CSMD1: variants seen among roughly 807,000 people sequenced by gnomAD.
The protein encoded by CSMD1 is CUB and Sushi multiple domains 1.
A neutral mutation model predicts 417.5 loss-of-function variants in CSMD1; 213 were observed. The ratio of observed to expected loss-of-function variants is 0.51; its 90% CI spans 0.46 to 0.57. The LOEUF is 0.57. Among genes scored for constraint, CSMD1 ranks in the 20% least tolerant of loss-of-function variants. CSMD1 has a pLI of 0.00. For synonymous variants in CSMD1, 2,862 were observed against 1,736.8 expected, an observed-to-expected ratio of 1.65 and a Z score of -16.11; for missense variants, 6,923 against 4,529.7, an observed-to-expected ratio of 1.53 and a Z score of -15.17.
intron 26 of CSMD1, among the ~76,000 whole-genome samples, chr8:3,255,467 T>G (rs559377781): frequency 1.1e-4 from 16 of 152,206 alleles, no homozygotes; most frequent in African/African-American, 3.9e-4. Flanking sequence ...CCCCCAGAGG[T>G]GGAGCCTACA....
At chr8:3,521,852 C>T (rs745985007) in intron 10 of CSMD1, among the ~76,000 whole-genome samples, 1 of 152,180 alleles carries the variant, frequency 6.6e-6, no homozygotes, top group Non-Finnish European at 1.5e-5. Context: ...ATCATACTAT[C>T]TATTCTAATA....
intron 1 of CSMD1, among the ~76,000 whole-genome samples, chr8:4,721,814 A>AC (rs1402125647): frequency 6.6e-6 from 1 of 152,208 alleles, no homozygotes; most frequent in Non-Finnish European, 1.5e-5. Flanking sequence ...CTAGGCATCC[A>AC]CCAATGCATG....
At chr8:4,662,606 C>G (rs1341952220) in intron 1 of CSMD1, among the ~76,000 whole-genome samples, 2 of 152,178 alleles carry the variant, frequency 1.3e-5, no homozygotes, top group East Asian at 3.9e-4. Context: ...GTCTTGACGG[C>G]TACGATTTCT....
chr8:4,274,829 C>A (rs1055885464), intron 3 of CSMD1, among the ~76,000 whole-genome samples: 3 of 152,062 alleles, frequency 2.0e-5, no homozygotes, highest in Non-Finnish European at 2.9e-5. Context: ...GACTGCTTTG[C>A]TTTGAAAACT....
At chr8:3,887,076 C>A (rs777849309) in intron 5 of CSMD1, among the ~76,000 whole-genome samples, 3 of 152,210 alleles carry the variant, frequency 2.0e-5, no homozygotes, top group African/African-American at 4.8e-5. Context: ...AAGACACAAT[C>A]CCACTCTAGC....
At chr8:4,567,828 A>C (rs1446688401) in intron 2 of CSMD1, among the ~76,000 whole-genome samples, 2 of 152,200 alleles carry the variant, frequency 1.3e-5, no homozygotes, top group Non-Finnish European at 2.9e-5. Context: ...TGAGCTAATG[A>C]ATATTTCTTA....
At chr8:4,201,508 G>C (rs537325188) in intron 3 of CSMD1, among the ~76,000 whole-genome samples, 1 of 113,464 alleles carries the variant, frequency 8.8e-6, no homozygotes, top group Non-Finnish European at 1.6e-5. Context: ...ACTGCCGTCC[G>C]GCCTAGGTAA....
chr8:4,883,620 G>A (rs1803551074), intron 1 of CSMD1, among the ~76,000 whole-genome samples: 1 of 151,978 alleles, frequency 6.6e-6, no homozygotes, highest in Non-Finnish European at 1.5e-5. Context: ...AGTATAATCT[G>A]TCAAGGTTAA....
At chr8:3,172,668 G>A (rs1322637658) in intron 37 of CSMD1, among the ~76,000 whole-genome samples, 1 of 152,128 alleles carries the variant, frequency 6.6e-6, no homozygotes, top group Non-Finnish European at 1.5e-5. Flanking sequence ...CAGAGAAGGG[G>A]AATGGAGAAA....
intron 51 of CSMD1, among the ~76,000 whole-genome samples, chr8:3,027,331 T>C (rs1441464490): frequency 6.6e-6 from 1 of 152,114 alleles, no homozygotes; most frequent in Non-Finnish European, 1.5e-5. Context: ...CCAGGGCTTT[T>C]TGGAGAACAA....
intron 10 of CSMD1, among the ~76,000 whole-genome samples, chr8:3,500,514 G>C (rs1796555706): frequency 6.6e-6 from 1 of 152,084 alleles, no homozygotes; most frequent in Admixed American, 6.5e-5. Flanking sequence ...GAAAAGAAGA[G>C]GAATGAGGAT....
chr8:3,178,498 G>C (rs762313975), intron 37 of CSMD1, among the ~76,000 whole-genome samples: 3 of 152,064 alleles, frequency 2.0e-5, no homozygotes, highest in Non-Finnish European at 1.5e-5. Context: ...TGGATACCTC[G>C]CAAGGTGCTC....
At chr8:3,663,978 T>C (rs947663121) in intron 7 of CSMD1, among the ~76,000 whole-genome samples, 2 of 152,226 alleles carry the variant, frequency 1.3e-5, no homozygotes, top group African/African-American at 4.8e-5. Context: ...TTACTAAATC[T>C]TATTGTAAAT....
chr8:4,122,563 A>G (rs186485926), intron 3 of CSMD1, among the ~76,000 whole-genome samples: 4 of 152,270 alleles, frequency 2.6e-5, no homozygotes, highest in East Asian at 1.9e-4. Flanking sequence ...TGCTTTCCCA[A>G]TGTTTGGAGG....
chr8:4,561,844 G>C lies in CSMD1; in HGVS notation c.302+75498C>G, dbSNP rs143611475. 4.3e-3 allele frequency among the ~76,000 whole-genome samples: 659 copies of C among 152,284 alleles called. 10 individuals are homozygous for C. Among genetic ancestry groups the C allele is most frequent in the African/African-American group, 0.014 (592 of 41,540 alleles). On this transcript the variant is annotated intron_variant, in intron 2 of 69. Coordinates refer to ENST00000635120, the MANE Select transcript of CSMD1 (RefSeq NM_033225.6). ...TGACTGCTGAGGGGATGGAGTCCCA[G>C]AGAAACACAGTGACTTGTTCAAAGC...
intron 6 of CSMD1, among the ~76,000 whole-genome samples, chr8:3,748,205 A>G (rs1797152396): frequency 6.6e-6 from 1 of 152,236 alleles, no homozygotes; most frequent in Admixed American, 6.5e-5. Flanking sequence ...ATTTAGGAAA[A>G]GTGGTTACGT....
intron 18 of CSMD1, among the ~76,000 whole-genome samples, chr8:3,381,078 T>A (rs1190349725): frequency 1.3e-5 from 2 of 152,138 alleles, no homozygotes; most frequent in Non-Finnish European, 2.9e-5. Context: ...CTTGGGTATA[T>A]CAGTTTTCAT....
chr8:4,822,230 C>T (rs1866282), intron 1 of CSMD1, among the ~76,000 whole-genome samples: 126,835 of 152,010 alleles, frequency 0.83, 53,549 homozygotes, highest in Non-Finnish European at 0.91. Context: ...TTGCAACTTA[C>T]TTTCACCGTA....
chr8:3,751,401 A>G (rs1465830352), intron 6 of CSMD1, among the ~76,000 whole-genome samples: 1 of 147,994 alleles, frequency 6.8e-6, no homozygotes, highest in Admixed American at 6.8e-5. Context: ...TATAAATATA[A>G]TACAATAAAT....
Sources: gnomAD v4.1 joint callset for allele counts (sites outside exome capture counted in the v4.1 genomes callset) on GRCh38, gnomAD v4.1.1 for gene constraint, MANE v1.5 for transcripts, NCBI Gene and HGNC (gene_info 2026-07-23, HGNC 2026-07-21) for gene names.